Variants in PHB2 observed in about 807,000 individuals in gnomAD.
PHB2 encodes the protein prohibitin 2.
PHB2 carries 22 observed loss-of-function variants against 46.4 expected under a neutral mutation model. The ratio of observed to expected loss-of-function variants is 0.47; its 90% CI spans 0.34 to 0.68. The LOEUF (loss-of-function observed/expected upper bound fraction) is 0.68. PHB2 is among the 30% of genes least tolerant of loss of function. PHB2 has a pLI of 0.01. For synonymous variants in PHB2, 156 were observed against 150.5 expected, an observed-to-expected ratio of 1.04 and a Z score of -0.27; for missense variants, 305 against 382.8, an observed-to-expected ratio of 0.80 and a Z score of 1.70.
rs781999865 is a variant in PHB2 at position 6,967,885 on chromosome 12, G to A, written c.607+7C>T. ...GAAGCCCTCACCCCACGGCTCTTGC[G>A]ACTCACCCACTTGTTTGGCTTCTAC... On this transcript the variant is annotated splice_region_variant and intron_variant, in intron 5 of 9. Coordinates refer to ENST00000535923, the MANE Select transcript of PHB2 (RefSeq NM_001144831.2). The surrounding 1 kb of genome is among the most constrained non-coding windows in gnomAD (Gnocchi z 4.9). The A allele has an allele frequency of 5.6e-6, 9 of 1,613,242 alleles. No individual in the cohort carries two copies. Among genetic ancestry groups the A allele is most frequent in the South Asian group, 1.1e-5 (1 of 91,010 alleles).
In PHB2 at chr12:6,965,916, CCT is replaced by C. The variant is rs1555150718; in HGVS notation, c.867-2_867-1del. The C allele has an allele frequency of 6.3e-7, 1 of 1,598,844 alleles. No individual in the cohort carries two copies. The highest frequency in any genetic ancestry group is 8.5e-7 in the Non-Finnish European group (1 of 1,179,436). ...CAGAAGCAACAACAGCTTACCTTCC[CCT>C]GTGGTGCCAGATCGCCAGATGAACA... On this transcript the variant is annotated splice_acceptor_variant, in intron 8 of 9. Transcript: ENST00000535923. LOFTEE classifies it high-confidence loss of function.
Position 6,967,166 on chromosome 12 carries a change from C to T in PHB2, c.789+5G>A, listed in dbSNP as rs372047947. ...CCATCAGAGACGCTGGGCTGACACA[C>T]TCACCGTCTTGGAGATATTCTGGGC... On this transcript the variant is annotated splice_donor_5th_base_variant and intron_variant, in intron 7 of 9. Transcript: ENST00000535923. The surrounding 1 kb of genome is among the most constrained non-coding windows in gnomAD (Gnocchi z 4.9). The T allele has an allele frequency of 3.8e-6, 6 of 1,563,846 alleles. No homozygotes were observed. The highest frequency in any genetic ancestry group is 5.2e-6 in the Non-Finnish European group (6 of 1,153,030).
intron 1 of PHB2, 42 bp downstream of exon 1, chr12:6,970,375 G>T (rs1946301535): frequency 1.9e-6 from 3 of 1,604,458 alleles, no homozygotes; most frequent in Non-Finnish European, 2.5e-6. Flanking sequence ...GGGTTTGGGG[G>T]AGGGACTGGA....
At chr12:6,970,314 G>C in intron 1 of PHB2, 34 bp from the exon 2 acceptor site, 1 of 1,607,636 alleles carries the variant, frequency 6.2e-7, no homozygotes, top group Non-Finnish European at 8.5e-7. Context: ...AGGCCAGGCC[G>C]CTGCTCAGAG....
rs1220176502 is a variant in PHB2, at chr12:6,970,646, C to T, written c.-103G>A. 5.8e-6 allele frequency: 8 copies of T among 1,369,388 alleles called. No individual in the cohort carries two copies. The highest frequency in any genetic ancestry group is 7.9e-6 in the Non-Finnish European group (8 of 1,015,690). The allele number at this position is 1,369,388 out of a possible 1,614,324, so 84.8% of individuals were successfully genotyped here. A position where few individuals can be genotyped will look rare whatever the true frequency, so the allele number is the denominator to read the frequency against. On this transcript the variant is annotated 5_prime_UTR_variant, in exon 1 of 10. Coordinates refer to ENST00000535923, the MANE Select transcript of PHB2 (RefSeq NM_001144831.2). The stretch of plus-strand genomic sequence containing the variant: ...TGCACCCTTCACACGAGGGTTCGGG[C>T]CCGTAAGGCTGGCGAAAGAAAGGGC...
chr12:6,970,732 G>T, upstream of PHB2: 1 of 935,028 alleles, frequency 1.1e-6, no homozygotes. Context: ...CGAACTTCGC[G>T]CACAGGAATC....
Position 6,965,705 on chromosome 12 carries a change from G to C in PHB2, c.880C>G (p.Leu294Val). The change falls in exon 10 of 10, where the codon CTC becomes GTC. Residue 294 changes from leucine to valine, a missense_variant. Transcript: ENST00000535923. ...DESFTRGSDS[L>V]IKGKK ...TAGGCTCATTTCTTACCCTTGATGA[G>C]GCTGTCACTGTAGGAAAAAAAAGAT... 1 of 1,611,532 alleles carries C rather than the reference G, an allele frequency of 6.2e-7. No homozygotes were observed.
Position 6,965,458 on chromosome 12 carries a change from C to T in PHB2, c.*227G>A, listed in dbSNP as rs781978783. On this transcript the variant is annotated 3_prime_UTR_variant, in exon 10 of 10. Coordinates refer to ENST00000535923, the MANE Select transcript of PHB2 (RefSeq NM_001144831.2). Reference sequence around the variant, plus strand: ...TGTAGGAAATCACTGAGAAATCACGCACTGTCCCCAACAGCCCCAGTTAAC... The same window carrying T: ...TGTAGGAAATCACTGAGAAATCACGTACTGTCCCCAACAGCCCCAGTTAAC... The T allele has an allele frequency of 1.2e-5, 7 of 593,042 alleles. No individual in the cohort carries two copies. The highest frequency in any genetic ancestry group is 2.1e-5 in the Non-Finnish European group (7 of 331,506). 36.7% of individuals were successfully genotyped at this position (593,042 alleles called of 1,614,324 possible).
chr12:6,970,230 GCTGCA>G lies in PHB2; in HGVS notation c.173_177del (p.Val58AlafsTer23). On this transcript the variant is annotated frameshift_variant, in exon 2 of 10. Coordinates refer to ENST00000535923, the MANE Select transcript of PHB2 (RefSeq NM_001144831.2). LOFTEE classifies it high-confidence loss of function. ...AGGCCCTCGGCCAGGATAGTGTCCTGCTGCACTCCACCGATCCGATTGAAGAAGAT... is the reference window on the plus strand; with the variant it reads ...AGGCCCTCGGCCAGGATAGTGTCCTGCTCCACCGATCCGATTGAAGAAGAT... The G allele has an allele frequency of 6.2e-7, 1 of 1,613,772 alleles. No homozygotes were observed. Among genetic ancestry groups the G allele is most frequent in the Non-Finnish European group, 8.5e-7 (1 of 1,179,806 alleles).
At chr12:6,968,377 G>A in intron 4 of PHB2, 34 bp downstream of exon 4, 1 of 1,515,466 alleles carries the variant, frequency 6.6e-7, no homozygotes, top group Non-Finnish European at 9.1e-7. Context: ...GGAAGGAAAG[G>A]CTGACACCAC....
chr12:6,965,781 GCCATT>G, intron 9 of PHB2, 69 bp from the exon 10 acceptor site: 1 of 1,549,422 alleles, frequency 6.5e-7, no homozygotes, highest in Non-Finnish European at 8.9e-7. Context: ...GACACTCTAG[GCCATT>G]CCCTCTACGA....
intron 7 of PHB2, 49 bp from the exon 8 acceptor site, chr12:6,966,549 A>G (rs1555150816): frequency 8.6e-7 from 1 of 1,158,568 alleles, no homozygotes; most frequent in Non-Finnish European, 1.3e-6. Context: ...AAAGACCTCA[A>G]TTCCGACCCC....
Position 6,967,713 on chromosome 12 carries a change from A to C in PHB2, c.674T>G (p.Ile225Ser). ...EKAKQEQRQK[I>S]VQAEGEAEAA... ...CTCGGCCTCACCCTCGGCCTGCACA[A>C]TTTTCTGCCGCTGTTCCTGCTTTGC... Residue 225 changes from isoleucine to serine, a missense_variant, in exon 6 of 10, where the codon ATT (isoleucine) becomes AGT (serine). This residue lies in a region of PHB2 where 241 missense variants were observed against 302.7 expected (regional missense o/e 0.80). Coordinates refer to ENST00000535923, the MANE Select transcript of PHB2 (RefSeq NM_001144831.2). This position sits in a 1 kb window ranked among gnomAD's most constrained non-coding sequence, Gnocchi z 4.9. The C allele has an allele frequency of 6.2e-7, 1 of 1,613,814 alleles. No homozygotes were observed. The highest frequency in any genetic ancestry group is 8.5e-7 in the Non-Finnish European group (1 of 1,179,860).
rs781806265 is a variant in PHB2 at position 6,970,262 on chromosome 12, G to C, written c.146C>G (p.Ala49Gly). ...TCCACCGATCCGATTGAAGAAGATG[G>C]CTCTGTGCCCGCCTTCCACTGTGGG... Reference protein sequence around the residue: ...SVFTVEGGHRAIFFNRIGGVQ... With the variant: ...SVFTVEGGHRGIFFNRIGGVQ... The change falls in exon 2 of 10, where the codon GCC becomes GGC. Residue 49 changes from alanine (A) to glycine (G), a missense_variant. Around this residue, in one of 3 missense-constraint regions of PHB2, gnomAD observed 4 missense variants for 19.2 expected, o/e 0.21. Coordinates refer to ENST00000535923, the MANE Select transcript of PHB2 (RefSeq NM_001144831.2). 1.9e-6 allele frequency: 3 copies of C among 1,613,686 alleles called. No homozygotes were observed. The South Asian group carries it at 3.3e-5, about 18-fold the overall frequency.
intron 3 of PHB2, among the ~76,000 whole-genome samples, chr12:6,968,861 C>T (rs1191012835): frequency 2.6e-5 from 4 of 152,210 alleles, no homozygotes; most frequent in Non-Finnish European, 4.4e-5. Flanking sequence ...CAACCTCTAA[C>T]GTGGGCGCTT....
intron 2 of PHB2, chr12:6,969,806 G>A (rs1946285823): frequency 7.9e-6 from 4 of 509,444 alleles, no homozygotes; most frequent in South Asian, 2.0e-5. Context: ...GGCTGAGGCA[G>A]GAGAATCGCT....
At chr12:6,968,746 CAA>C (rs1351645235) in intron 3 of PHB2, 151 bp from the exon 4 acceptor site, 5 of 694,976 alleles carry the variant, frequency 7.2e-6, no homozygotes, top group Non-Finnish European at 1.3e-5. Flanking sequence ...ACAAGGAAGA[CAA>C]GACGCAGCAC....
In PHB2 at chr12:6,967,534, T is replaced by C. The variant is rs186793753; in HGVS notation, c.711+142A>G. On this transcript the variant is annotated intron_variant, in intron 6 of 9. Transcript: ENST00000535923. This position sits in a 1 kb window ranked among gnomAD's most constrained non-coding sequence, Gnocchi z 4.9. ...CCACTAAGATTTCAGATCTCATCTG[T>C]AGTCCCCACCCCCAACAAGGAGCCA... 6.6e-6 allele frequency: 6 copies of C among 907,348 alleles called. No homozygotes were observed. The Admixed American group carries it at 6.8e-5, about 10-fold the overall frequency. The allele number at this position is 907,348 out of a possible 1,614,324, so 56.2% of individuals were successfully genotyped here.
chr12:6,970,370 TG>T (rs1946301440), intron 1 of PHB2, 46 bp downstream of exon 1: 1 of 1,604,270 alleles, frequency 6.2e-7, no homozygotes. Flanking sequence ...GCAAGGGGTT[TG>T]GGGGAGGGAC....
Sources: allele counts gnomAD v4.1 joint callset (sites outside exome capture counted in the v4.1 genomes callset), GRCh38; gene constraint gnomAD v4.1.1; regional missense constraint gnomAD v4.1.1; non-coding constraint Gnocchi (gnomAD v3.1); transcripts MANE v1.5; gene names NCBI Gene and HGNC (gene_info 2026-07-23, HGNC 2026-07-21).